The following GDI2 variants were observed in gnomAD, a reference collection of about 807,000 sequenced individuals.
GDI2 encodes GDP dissociation inhibitor 2.
Under a neutral mutation model 54.2 loss-of-function variants are expected in GDI2, and 22 were observed. The observed-to-expected ratio is 0.41, with a 90% CI of 0.29 to 0.58. GDI2 has a LOEUF of 0.58. Among genes scored for constraint, GDI2 ranks in the 20% least tolerant of loss-of-function variants. The pLI is 0.35. For missense variants in GDI2, 422 were observed against 546.0 expected (o/e 0.77, Z 2.26); for synonymous variants, 177 against 182.1 (o/e 0.97, Z 0.23).
intron 7 of GDI2, among the ~76,000 whole-genome samples, chr10:5,772,687 G>C (rs1840517224): frequency 6.6e-6 from 1 of 152,138 alleles, no homozygotes; most frequent in Non-Finnish European, 1.5e-5. Flanking sequence ...AACCTGGAAG[G>C]TGGAGGGTGA....
chr10:5,808,697 T>TAAA (rs56672226), intron 1 of GDI2, among the ~76,000 whole-genome samples: 6 of 86,214 alleles, frequency 7.0e-5, no homozygotes, highest in African/African-American at 8.4e-5. Flanking sequence ...TTGTTGTTAT[T>TAAA]AAAAAAAAAA....
chr10:5,768,671 C>A lies in GDI2; in HGVS notation c.820-287G>T. 6.9e-6 allele frequency: 2 copies of A among 287,780 alleles called. No homozygotes were observed. Among genetic ancestry groups the A allele is most frequent in the East Asian group, 1.3e-4 (2 of 14,836 alleles). The allele number at this position is 287,780 out of a possible 1,614,324, so 17.8% of individuals were successfully genotyped here. The stretch of plus-strand genomic sequence containing the variant: ...AAACGAGGAGAGAGCCAGAAATAAA[C>A]CCTCGCATCCACAGTACAGTGATTT... On this transcript the variant is annotated intron_variant, in intron 7 of 10. Coordinates refer to ENST00000380191, the MANE Select transcript of GDI2 (RefSeq NM_001494.4). This position sits in a 1 kb window ranked among gnomAD's most constrained non-coding sequence, Gnocchi z 4.4.
At chr10:5,804,437 A>G (rs1588988908) in intron 1 of GDI2, among the ~76,000 whole-genome samples, 1 of 151,974 alleles carries the variant, frequency 6.6e-6, no homozygotes, top group Non-Finnish European at 1.5e-5. Flanking sequence ...CATTCTGAGC[A>G]CTCCAGAAGG....
intron 2 of GDI2, among the ~76,000 whole-genome samples, chr10:5,799,852 T>A (rs1302663114): frequency 1.3e-5 from 2 of 152,266 alleles, no homozygotes; most frequent in East Asian, 1.9e-4. Flanking sequence ...TCACTTTCAA[T>A]GGATCAAAAC....
At chr10:5,813,120 G>T in intron 1 of GDI2, 94 bp downstream of exon 1, 1 of 712,282 alleles carries the variant, frequency 1.4e-6, no homozygotes, top group Non-Finnish European at 2.2e-6. Context: ...GGCAGAACGA[G>T]ACCCCCGAGG....
intron 1 of GDI2, among the ~76,000 whole-genome samples, chr10:5,807,960 C>T (rs958279195): frequency 1.3e-5 from 2 of 152,136 alleles, no homozygotes; most frequent in South Asian, 2.1e-4. Context: ...TCCCCAACCC[C>T]GATTACAGAG....
intron 4 of GDI2, among the ~76,000 whole-genome samples, chr10:5,788,687 T>A (rs549742431): frequency 6.6e-6 from 1 of 152,190 alleles, no homozygotes; most frequent in African/African-American, 2.4e-5. Flanking sequence ...ATGCAGCCCA[T>A]AGGCCACAGA....
rs1347204941 is a variant in GDI2, at chr10:5,774,631, G to A, written c.720-690C>T. On this transcript the variant is annotated intron_variant, in intron 6 of 10. Transcript: ENST00000380191. This position sits in a 1 kb window ranked among gnomAD's most constrained non-coding sequence, Gnocchi z 4.8. The stretch of plus-strand genomic sequence containing the variant: ...CGCTCACCCTGATGGATGGCTCTTC[G>A]GGGTCCACACTGAGCAGACCTGAGA... Among the ~76,000 whole-genome samples, 2 of 152,026 alleles carry A rather than the reference G, an allele frequency of 1.3e-5. No homozygotes were observed. The highest frequency in any genetic ancestry group is 2.4e-5 in the African/African-American group (1 of 41,366).
intron 3 of GDI2, 30 bp from the exon 4 acceptor site, chr10:5,795,049 C>T (rs1588982604): frequency 1.4e-6 from 2 of 1,435,466 alleles, no homozygotes; most frequent in Non-Finnish European, 1.9e-6. Flanking sequence ...CAAACTATAA[C>T]TTAAGTCTAT....
chr10:5,803,844 T>A (rs763727778), intron 1 of GDI2, among the ~76,000 whole-genome samples: 1 of 152,264 alleles, frequency 6.6e-6, no homozygotes, highest in South Asian at 2.1e-4. Context: ...CTTTATTTCT[T>A]AAAGAGACAA....
In GDI2 at chr10:5,774,699, G is replaced by A. The variant is rs1311373371; in HGVS notation, c.720-758C>T. Among the ~76,000 whole-genome samples the A allele has an allele frequency of 6.6e-6, 1 of 152,148 alleles. No homozygotes were observed. The highest frequency in any genetic ancestry group is 1.5e-5 in the Non-Finnish European group (1 of 68,038). ...GACAGGAGGCTCGTGAGTGTGGTGA[G>A]GCTAAAGCCTAAAGCCATGCGATGT... On this transcript the variant is annotated intron_variant, in intron 6 of 10. Transcript: ENST00000380191. This position sits in a 1 kb window ranked among gnomAD's most constrained non-coding sequence, Gnocchi z 4.8.
chr10:5,803,236 A>C (rs1841307818), intron 1 of GDI2, among the ~76,000 whole-genome samples: 1 of 152,218 alleles, frequency 6.6e-6, no homozygotes, highest in Admixed American at 6.5e-5. Context: ...AGTCTGGGCA[A>C]CAGGGCAAAA....
intron 6 of GDI2, 25 bp from the exon 7 acceptor site, chr10:5,773,966 T>A (rs1033951114): frequency 1.1e-6 from 1 of 922,366 alleles, no homozygotes; most frequent in Non-Finnish European, 1.7e-6. Context: ...AAATCCCAAT[T>A]AATAATATAT....
chr10:5,807,811 A>G (rs374352944), intron 1 of GDI2, among the ~76,000 whole-genome samples: 1 of 152,220 alleles, frequency 6.6e-6, no homozygotes, highest in African/African-American at 2.4e-5. Context: ...CAAAAACAGA[A>G]TAACTCATTT....
intron 5 of GDI2, among the ~76,000 whole-genome samples, chr10:5,785,532 C>T (rs1469414550): frequency 2.0e-5 from 3 of 152,040 alleles, no homozygotes; most frequent in East Asian, 1.9e-4. Flanking sequence ...GCACCACTAC[C>T]GCCCAACTAA....
intron 4 of GDI2, among the ~76,000 whole-genome samples, chr10:5,786,925 A>G (rs1840893411): frequency 6.6e-6 from 1 of 152,224 alleles, no homozygotes; most frequent in East Asian, 1.9e-4. Context: ...ATTTTACACT[A>G]AAAAACAGAT....
intron 6 of GDI2, among the ~76,000 whole-genome samples, 174 bp downstream of exon 6, chr10:5,784,968 T>C (rs1840840701): frequency 6.6e-6 from 1 of 152,088 alleles, no homozygotes; most frequent in African/African-American, 2.4e-5. Flanking sequence ...AACTGGATTT[T>C]TTTTAACTGA....
rs1269478306 is a variant in GDI2, at chr10:5,785,891, T to C, written c.548A>G (p.Asp183Gly). The C allele has an allele frequency of 1.2e-6, 2 of 1,611,836 alleles. No homozygotes were observed. The highest frequency in any genetic ancestry group is 2.7e-5 in the African/African-American group (2 of 74,890). ...KKFDLGQDVIDFTGHALALYR... is the reference protein window; with the variant it reads ...KKFDLGQDVIGFTGHALALYR... ...AAGTGCAAGAGCATGACCAGTAAAA[T>C]CTATAACGTCTTGACCCAAATCAAA... The change falls in exon 5 of 11, where the codon GAT becomes GGT. Residue 183 changes from aspartate (D) to glycine (G), a missense_variant. Asp to Gly is a moderately conservative substitution (Grantham distance 94). Coordinates refer to ENST00000380191, the MANE Select transcript of GDI2 (RefSeq NM_001494.4).
At chr10:5,772,549 G>C (rs1313626016) in intron 7 of GDI2, among the ~76,000 whole-genome samples, 1 of 152,078 alleles carries the variant, frequency 6.6e-6, no homozygotes, top group African/African-American at 2.4e-5. Flanking sequence ...TTGGGGCCGG[G>C]AGTTCGAGAC....
Sources: allele counts gnomAD v4.1 joint callset (sites outside exome capture counted in the v4.1 genomes callset), GRCh38; gene constraint gnomAD v4.1.1; non-coding constraint Gnocchi (gnomAD v3.1); transcripts MANE v1.5; gene names NCBI Gene and HGNC (gene_info 2026-07-23, HGNC 2026-07-21).